PIK3CA: variants seen among roughly 807,000 people sequenced by gnomAD.
PIK3CA encodes phosphatidylinositol 4,5-bisphosphate 3-kinase catalytic subunit alpha isoform.
A neutral mutation model predicts 138.2 loss-of-function variants in PIK3CA; 27 were observed. That is an observed-to-expected ratio of 0.20 (90% CI 0.14 to 0.27). The LOEUF (loss-of-function observed/expected upper bound fraction) is 0.27, where lower values mean the gene tolerates loss of function less well. Ranked by LOEUF, PIK3CA falls within the 10% of genes least tolerant of loss-of-function variation. PIK3CA has a pLI of 1.00. For synonymous variants in PIK3CA, 358 were observed against 413.2 expected, an observed-to-expected ratio of 0.87 and a Z score of 1.62; for missense variants, 544 against 1,277.4, an observed-to-expected ratio of 0.43 and a Z score of 8.75.
At chr3:179,152,566 CAG>C (rs976005593) in intron 1 of PIK3CA, among the ~76,000 whole-genome samples, 1 of 152,144 alleles carries the variant, frequency 6.6e-6, no homozygotes, top group Non-Finnish European at 1.5e-5. Context: ...TACTATTCAA[CAG>C]AGTTGTTGAA....
At position 179,198,746 on chromosome 3, in the gene PIK3CA, T is replaced by A; in HGVS notation, c.-76-4T>A. The stretch of plus-strand genomic sequence containing the variant: ...TTAACATATGTTTTCCTTCTTTGAT[T>A]TAGGTTTCTGCTTTGGGACAACCAT... On this transcript the variant is annotated splice_polypyrimidine_tract_variant and splice_region_variant and intron_variant, in intron 1 of 20. Coordinates refer to ENST00000263967, the MANE Select transcript of PIK3CA (RefSeq NM_006218.4). The A allele has an allele frequency of 1.4e-6, 1 of 715,152 alleles. No homozygotes were observed. The highest frequency in any genetic ancestry group is 2.3e-6 in the Non-Finnish European group (1 of 439,302). 44.3% of individuals were successfully genotyped at this position (715,152 alleles called of 1,614,324 possible).
At chr3:179,175,261 T>A (rs1723668028) in intron 1 of PIK3CA, among the ~76,000 whole-genome samples, 1 of 152,252 alleles carries the variant, frequency 6.6e-6, no homozygotes, top group African/African-American at 2.4e-5. Context: ...TTATGTGATA[T>A]TTTAAGTGAG....
At chr3:179,204,662 A>AT (rs1373675875) in intron 6 of PIK3CA, 74 bp downstream of exon 6, 3 of 728,236 alleles carry the variant, frequency 4.1e-6, no homozygotes, top group Non-Finnish European at 7.2e-6. Context: ...AAAGTAGTAT[A>AT]TTTTTTTAGA....
At chr3:179,231,225 T>C (rs941640298) in intron 20 of PIK3CA, among the ~76,000 whole-genome samples, 6 of 152,206 alleles carry the variant, frequency 3.9e-5, no homozygotes, top group African/African-American at 1.4e-4. Flanking sequence ...TTAACGTTGG[T>C]TTCATATCTT....
intron 16 of PIK3CA, among the ~76,000 whole-genome samples, chr3:179,225,485 A>G (rs1396240089): frequency 8.1e-6 from 1 of 123,330 alleles, no homozygotes; most frequent in Non-Finnish European, 1.7e-5. Flanking sequence ...TAATATAAAC[A>G]TGTGTTCAAA....
At chr3:179,233,798 A>C (rs1179402334) in intron 20 of PIK3CA, among the ~76,000 whole-genome samples, 1 of 152,184 alleles carries the variant, frequency 6.6e-6, no homozygotes, top group Non-Finnish European at 1.5e-5. Context: ...TAAGCACAAA[A>C]GGATTTAGTA....
intron 9 of PIK3CA, among the ~76,000 whole-genome samples, chr3:179,212,283 C>T (rs1724733261): frequency 6.7e-6 from 1 of 148,372 alleles, no homozygotes; most frequent in South Asian, 2.2e-4. Context: ...GCTGGGATTA[C>T]AGGCGTGAGC....
chr3:179,165,947 C>G (rs191441816), intron 1 of PIK3CA, among the ~76,000 whole-genome samples: 75 of 152,308 alleles, frequency 4.9e-4, no homozygotes, highest in Admixed American at 3.7e-3. Flanking sequence ...GTCTATCTCT[C>G]CCTCTTCTGT....
At chr3:179,187,931 C>T (rs1301210205) in intron 1 of PIK3CA, among the ~76,000 whole-genome samples, 3 of 152,140 alleles carry the variant, frequency 2.0e-5, no homozygotes, top group South Asian at 2.1e-4. Context: ...GCCACCATGC[C>T]CGACCCTCAT....
intron 1 of PIK3CA, among the ~76,000 whole-genome samples, chr3:179,155,860 G>A (rs1319642846): frequency 6.6e-6 from 1 of 152,168 alleles, no homozygotes; most frequent in East Asian, 1.9e-4. Context: ...CAGAGAGGCT[G>A]TGTGCTGTGG....
intron 17 of PIK3CA, 66 bp downstream of exon 17, chr3:179,226,106 A>G (rs995288470): frequency 1.5e-5 from 12 of 824,060 alleles, no homozygotes; most frequent in Non-Finnish European, 2.5e-5. Flanking sequence ...ATTAATAATT[A>G]TAGAAGCATA....
chr3:179,190,336 C>T (rs575654073), intron 1 of PIK3CA, among the ~76,000 whole-genome samples: 37 of 95,150 alleles, frequency 3.9e-4, no homozygotes, highest in Non-Finnish European at 6.5e-4. Flanking sequence ...GCATAAAAGA[C>T]CCTATCCTGA....
At chr3:179,149,467 C>G (rs1489803247) in intron 1 of PIK3CA, 1 of 152,064 alleles carries the variant, frequency 6.6e-6, no homozygotes, top group East Asian at 1.9e-4. Flanking sequence ...GAATCGAAAG[C>G]TATTTTTTTA....
intron 2 of PIK3CA, 88 bp downstream of exon 2, chr3:179,199,265 C>A: frequency 3.9e-6 from 3 of 773,132 alleles, no homozygotes; most frequent in Non-Finnish European, 6.0e-6. Context: ...TAAACCAATA[C>A]CTTCGTAATC....
intron 1 of PIK3CA, among the ~76,000 whole-genome samples, chr3:179,165,437 G>A (rs1560125218): frequency 6.6e-6 from 1 of 152,044 alleles, no homozygotes; most frequent in Non-Finnish European, 1.5e-5. Flanking sequence ...GTGACACCCA[G>A]GCTGGAGTGC....
rs1725355914 is a variant in PIK3CA at position 179,237,557 on chromosome 3, C to T, written c.*3193C>T. 2.9e-5 allele frequency: 6 copies of T among 207,304 alleles called. No homozygotes were observed. The South Asian group carries it at 1.1e-3, about 39-fold the overall frequency. 12.8% of individuals were successfully genotyped at this position (207,304 alleles called of 1,614,324 possible). The stretch of plus-strand genomic sequence containing the variant: ...ATGACTTGATTAGACTGTATATGCC[C>T]TCTTGGATTTTATTTTAAATGGATT... On this transcript the variant is annotated 3_prime_UTR_variant, in exon 21 of 21. Coordinates refer to ENST00000263967, the MANE Select transcript of PIK3CA (RefSeq NM_006218.4).
intron 1 of PIK3CA, among the ~76,000 whole-genome samples, chr3:179,183,659 G>C (rs1252045718): frequency 6.6e-6 from 1 of 152,142 alleles, no homozygotes; most frequent in Non-Finnish European, 1.5e-5. Flanking sequence ...GGTATAAGAG[G>C]AAAGAATAAG....
chr3:179,201,068 GT>G (rs1724397600), intron 3 of PIK3CA, among the ~76,000 whole-genome samples: 1 of 152,124 alleles, frequency 6.6e-6, no homozygotes, highest in South Asian at 2.1e-4. Flanking sequence ...ACATATCACA[GT>G]TTTGTGTGCT....
chr3:179,178,280 A>AAC (rs1723754011), intron 1 of PIK3CA, among the ~76,000 whole-genome samples: 2 of 146,876 alleles, frequency 1.4e-5, no homozygotes, highest in Non-Finnish European at 3.0e-5. Flanking sequence ...AAAAAAAAAA[A>AAC]CTCAGAAATT....
Sources: gnomAD v4.1 joint callset for allele counts (sites outside exome capture counted in the v4.1 genomes callset) on GRCh38, gnomAD v4.1.1 for gene constraint, MANE v1.5 for transcripts, NCBI Gene and HGNC (gene_info 2026-07-23, HGNC 2026-07-21) for gene names.